SH2D3A: variants seen among roughly 807,000 people sequenced by gnomAD.
SH2D3A encodes the protein SH2 domain containing 3A.
SH2D3A carries 46 observed loss-of-function variants against 50.6 expected under a neutral mutation model. The ratio of observed to expected loss-of-function variants is 0.91; its 90% confidence interval spans 0.72 to 1.16. The LOEUF is 1.16. SH2D3A is among the 50% of genes most tolerant of loss of function. The pLI is 0.00. For synonymous variants in SH2D3A, 377 were observed against 348.4 expected, an observed-to-expected ratio of 1.08 and a Z score of -0.91; for missense variants, 783 against 786.2, an observed-to-expected ratio of 1.00 and a Z score of 0.05.
At chr19:6,765,049 T>A (rs1050898659) in intron 1 of SH2D3A, among the ~76,000 whole-genome samples, 9 of 151,750 alleles carry the variant, frequency 5.9e-5, no homozygotes, top group Non-Finnish European at 1.0e-4. Context: ...GGCTAATTTT[T>A]AAAATATTTT....
intron 3 of SH2D3A, among the ~76,000 whole-genome samples, chr19:6,760,201 C>T (rs984945742): frequency 3.9e-5 from 6 of 152,008 alleles, no homozygotes; most frequent in African/African-American, 1.5e-4. Context: ...ATGGTGAAAC[C>T]CCGTCTCTAC....
At chr19:6,758,399 T>C (rs1969818387) in intron 4 of SH2D3A, 1 of 152,486 alleles carries the variant, frequency 6.6e-6, no homozygotes. Flanking sequence ...GTTCAAGCAA[T>C]TCTCGTGCCT....
intron 4 of SH2D3A, chr19:6,758,455 A>G (rs1969821737): frequency 6.9e-6 from 1 of 144,058 alleles, no homozygotes; most frequent in Non-Finnish European, 1.5e-5. Flanking sequence ...GGTGTGTACC[A>G]CCACGCCCGG....
intron 1 of SH2D3A, among the ~76,000 whole-genome samples, chr19:6,765,831 A>C (rs1256427272): frequency 6.6e-6 from 1 of 152,098 alleles, no homozygotes. Context: ...AGCAAACAGC[A>C]ATGTTGCCTT....
At chr19:6,765,396 G>C (rs1347592364) in intron 1 of SH2D3A, among the ~76,000 whole-genome samples, 2 of 151,990 alleles carry the variant, frequency 1.3e-5, no homozygotes, top group African/African-American at 4.8e-5. Flanking sequence ...CAACCTATGC[G>C]CACACTCAGA....
At chr19:6,753,276 G>T in intron 9 of SH2D3A, 180 bp downstream of exon 9, 1 of 985,410 alleles carries the variant, frequency 1.0e-6, no homozygotes, top group Non-Finnish European at 1.2e-6. Context: ...TATCAATACC[G>T]CTGGATGCAG....
rs111334954 is a variant in SH2D3A, at chr19:6,761,954, CAAAAAAA to C, written c.70-974_70-968del. On this transcript the variant is annotated intron_variant, in intron 2 of 9. Coordinates refer to ENST00000245908, the MANE Select transcript of SH2D3A (RefSeq NM_005490.3). ...ACAGAGTGAGATCATGTCTCAAAAA[CAAAAAAA>C]AAACAAAAAAAAAAACAAAAAAAAG... 2.5e-4 allele frequency among the ~76,000 whole-genome samples: 17 copies of C among 67,474 alleles called. 1 individual carries two copies. The highest frequency in any genetic ancestry group is 8.9e-4 in the African/African-American group (17 of 19,060). The allele number at this position is 67,474 out of a possible 152,430, so 44.3% of individuals were successfully genotyped here. A position where few individuals can be genotyped will look rare whatever the true frequency, so the allele number is the denominator to read the frequency against.
At chr19:6,764,751 G>C (rs1192676585) in intron 1 of SH2D3A, among the ~76,000 whole-genome samples, 1 of 151,980 alleles carries the variant, frequency 6.6e-6, no homozygotes, top group Non-Finnish European at 1.5e-5. Flanking sequence ...TATTGCCCAG[G>C]CTGGACTGCA....
intron 2 of SH2D3A, among the ~76,000 whole-genome samples, chr19:6,761,445 T>C (rs1306436215): frequency 1.3e-5 from 2 of 152,184 alleles, no homozygotes; most frequent in Non-Finnish European, 2.9e-5. Flanking sequence ...ACATGTTGAC[T>C]GTGTTTAGCT....
In SH2D3A at chr19:6,753,654, A is replaced by G; in HGVS notation, c.1385-13T>C. ...GGGTCGCAGGGTCCTGCGGAGGGGGAGGGTCTGATCAGGGTTTGGGGCTGT... is the reference window on the plus strand; with the variant it reads ...GGGTCGCAGGGTCCTGCGGAGGGGGGGGGTCTGATCAGGGTTTGGGGCTGT... On this transcript the variant is annotated splice_polypyrimidine_tract_variant and intron_variant, in intron 8 of 9. Coordinates refer to ENST00000245908, the MANE Select transcript of SH2D3A (RefSeq NM_005490.3). The G allele has an allele frequency of 3.2e-6, 5 of 1,546,992 alleles. No individual in the cohort carries two copies. Among genetic ancestry groups the G allele is most frequent in the South Asian group, 1.2e-5 (1 of 81,574 alleles).
chr19:6,763,786 T>C lies in SH2D3A; in HGVS notation c.-38A>G. ...AACAGAGGGTGCCAGGGCTGAGCTC[T>C]GCACTTTCAACAGGCCTCAGTCTTC... On this transcript the variant is annotated 5_prime_UTR_variant, in exon 2 of 10. Transcript: ENST00000245908. 6.3e-7 allele frequency: 1 copy of C among 1,582,894 alleles called. No homozygotes were observed. The highest frequency in any genetic ancestry group is 8.7e-7 in the Non-Finnish European group (1 of 1,155,934).
In SH2D3A at chr19:6,754,094, G is replaced by A. The variant is rs747134741; in HGVS notation, c.1342C>T (p.Gln448Ter). Residue 448 changes from glutamine (Q) to a stop codon, truncating the protein, a stop_gained, in exon 8 of 10, where the codon CAG (glutamine) becomes TAG (stop). Transcript: ENST00000245908. LOFTEE classifies it high-confidence loss of function. ...GCCCGCATCAGCGGCTTCAGCTCCTGCTCAAAGGCCAGCGCAGCCTCCGTG... is the reference window on the plus strand; with the variant it reads ...GCCCGCATCAGCGGCTTCAGCTCCTACTCAAAGGCCAGCGCAGCCTCCGTG... ...SHTEAALAFE[Q>*]ELKPLMRALD... 1.2e-6 allele frequency: 2 copies of A among 1,613,026 alleles called. No homozygotes were observed. Among genetic ancestry groups the A allele is most frequent in the East Asian group, 2.2e-5 (1 of 44,870 alleles).
intron 1 of SH2D3A, among the ~76,000 whole-genome samples, chr19:6,766,147 G>A (rs2144657097): frequency 6.6e-6 from 1 of 152,322 alleles, no homozygotes; most frequent in South Asian, 2.1e-4. Flanking sequence ...CGCTGGGCAG[G>A]GAGCCAGCTG....
chr19:6,755,221 AC>A lies in SH2D3A; in HGVS notation c.590del (p.Ser197IlefsTer128). 4 of 1,555,822 alleles carry A rather than the reference AC, an allele frequency of 2.6e-6. No individual in the cohort carries two copies. The highest frequency in any genetic ancestry group is 3.5e-6 in the Non-Finnish European group (4 of 1,149,708). On this transcript the variant is annotated frameshift_variant, in exon 5 of 10. Transcript: ENST00000245908. LOFTEE classifies it high-confidence loss of function. The stretch of plus-strand genomic sequence containing the variant: ...GAAGCTGCCCATCGGAGGCCCTGAG[AC>A]TGTCGGCAACAGTTCCCAGGGGAGC... ...APAPLGTVAD[S>X]LRASDGQLQA...
chr19:6,756,308 C>G (rs917052864), intron 4 of SH2D3A, among the ~76,000 whole-genome samples: 4 of 150,436 alleles, frequency 2.7e-5, no homozygotes, highest in African/African-American at 9.7e-5. Flanking sequence ...ATAGACATAT[C>G]TATATAAAAT....
intron 9 of SH2D3A, 100 bp from the exon 10 acceptor site, chr19:6,752,853 A>G (rs1056352125): frequency 1.4e-6 from 2 of 1,417,064 alleles, no homozygotes; most frequent in Non-Finnish European, 1.8e-6. Flanking sequence ...CTTTGACCCA[A>G]CAGGGGCCCG....
Position 6,753,544 on chromosome 19 carries a change from A to G in SH2D3A, c.1482T>C (p.Cys494=). The G allele has an allele frequency of 6.4e-7, 1 of 1,570,158 alleles. No homozygotes were observed. Among genetic ancestry groups the G allele is most frequent in the Non-Finnish European group, 8.6e-7 (1 of 1,158,320 alleles). ...EEVAGPLDES[C]ERLLRTLHGA... ...CGTGCAGGGTGCGCAACAGCCGCTC[A>G]CAGCTCTCGTCCAGCGGCCCCGCGA... Residue 494 remains cysteine, a synonymous_variant, in exon 9 of 10, where the codon TGT becomes TGC. Transcript: ENST00000245908.
intron 2 of SH2D3A, 63 bp downstream of exon 2, chr19:6,763,617 T>C (rs1970146967): frequency 1.3e-6 from 2 of 1,502,840 alleles, no homozygotes; most frequent in Middle Eastern, 2.1e-4. Flanking sequence ...GACCCAGGAA[T>C]CCTCAGCAAG....
chr19:6,753,093 C>A, intron 9 of SH2D3A: 7 of 985,166 alleles, frequency 7.1e-6, no homozygotes, highest in Non-Finnish European at 8.4e-6. Flanking sequence ...GGGATCTTGC[C>A]GGGTGGGCTG....
Sources: allele counts gnomAD v4.1 joint callset (sites outside exome capture counted in the v4.1 genomes callset), GRCh38; gene constraint gnomAD v4.1.1; transcripts MANE v1.5; gene names NCBI Gene and HGNC (gene_info 2026-07-23, HGNC 2026-07-21).